CDH13: variants seen among roughly 807,000 people sequenced by gnomAD.
CDH13 encodes cadherin 13.
A neutral mutation model predicts 63.8 loss-of-function variants in CDH13; 24 were observed. That is an observed-to-expected ratio of 0.38 (90% CI 0.27 to 0.53). The LOEUF is 0.53. CDH13 is among the 20% of genes least tolerant of loss of function. The probability of loss-of-function intolerance (pLI) is 0.85; values close to 1 mark genes in which losing one functional copy is unlikely to be tolerated. For synonymous variants in CDH13, 503 were observed against 355.3 expected, an observed-to-expected ratio of 1.42 and a Z score of -4.67; for missense variants, 1,049 against 903.1, an observed-to-expected ratio of 1.16 and a Z score of -2.07.
At chr16:83,666,624 C>T (rs955454361) in intron 8 of CDH13, among the ~76,000 whole-genome samples, 1 of 152,214 alleles carries the variant, frequency 6.6e-6, no homozygotes, top group Non-Finnish European at 1.5e-5. Context: ...CCCCTTCATT[C>T]CAGCCACACC....
chr16:83,458,821 T>C (rs1207336754), intron 6 of CDH13, among the ~76,000 whole-genome samples: 4 of 152,230 alleles, frequency 2.6e-5, no homozygotes, highest in Admixed American at 6.5e-5. Context: ...CGGTTGTCTC[T>C]TTCTCTGACT....
chr16:83,626,045 C>G (rs527596900), intron 8 of CDH13, among the ~76,000 whole-genome samples: 2 of 149,376 alleles, frequency 1.3e-5, no homozygotes, highest in East Asian at 2.0e-4. Context: ...GGGTCTCACT[C>G]TGTTGCCCAG....
chr16:83,115,709 G>T (rs1224453690), intron 3 of CDH13, among the ~76,000 whole-genome samples: 1 of 152,236 alleles, frequency 6.6e-6, no homozygotes, highest in Non-Finnish European at 1.5e-5. Context: ...CTTCTGCAAT[G>T]CTTTGCCTTG....
At chr16:83,687,563 T>C (rs76104384) in intron 10 of CDH13, among the ~76,000 whole-genome samples, 3 of 152,292 alleles carry the variant, frequency 2.0e-5, no homozygotes, top group East Asian at 1.9e-4. Flanking sequence ...GGCTCCAACA[T>C]TGGAGATTAT....
chr16:83,229,422 G>A (rs916887255), intron 5 of CDH13, among the ~76,000 whole-genome samples: 15 of 151,838 alleles, frequency 9.9e-5, no homozygotes, highest in South Asian at 2.1e-4. Context: ...GCACTGACTC[G>A]TTCTCCCCAT....
intron 3 of CDH13, among the ~76,000 whole-genome samples, chr16:83,124,084 C>T (rs571063271): frequency 6.6e-6 from 1 of 152,266 alleles, no homozygotes; most frequent in East Asian, 1.9e-4. Flanking sequence ...CTCGTTCTGT[C>T]ACCCAGGATG....
chr16:82,803,020 C>T (rs1466982505), intron 1 of CDH13, among the ~76,000 whole-genome samples: 1 of 152,196 alleles, frequency 6.6e-6, no homozygotes, highest in Non-Finnish European at 1.5e-5. Context: ...TTTCTTCCTT[C>T]CAGTGTGCTA....
At chr16:82,628,949 A>G (rs1456725996) in intron 1 of CDH13, among the ~76,000 whole-genome samples, 3 of 152,218 alleles carry the variant, frequency 2.0e-5, no homozygotes, top group Non-Finnish European at 4.4e-5. Flanking sequence ...ATAGGATTGC[A>G]TTCAACAGGA....
At chr16:83,593,374 T>C (rs1404290199) in intron 7 of CDH13, among the ~76,000 whole-genome samples, 1 of 152,158 alleles carries the variant, frequency 6.6e-6, no homozygotes, top group Non-Finnish European at 1.5e-5. Context: ...TGGAGCCCAT[T>C]CTCACTGGCT....
chr16:83,601,110 A>G (rs1907747847), intron 7 of CDH13, among the ~76,000 whole-genome samples: 1 of 152,176 alleles, frequency 6.6e-6, no homozygotes, highest in Admixed American at 6.5e-5. Context: ...TCTTCTAATT[A>G]GGACTCATTC....
intron 3 of CDH13, among the ~76,000 whole-genome samples, chr16:83,059,531 G>C (rs2031300140): frequency 6.6e-6 from 1 of 152,084 alleles, no homozygotes; most frequent in Admixed American, 6.6e-5. Context: ...CATGGCCTAG[G>C]TTTCTTATGA....
chr16:83,473,554 T>C (rs1215567557), intron 6 of CDH13, among the ~76,000 whole-genome samples: 2 of 152,156 alleles, frequency 1.3e-5, no homozygotes, highest in Non-Finnish European at 2.9e-5. Context: ...TCATCGATCA[T>C]CTGTCCTGCA....
intron 1 of CDH13, among the ~76,000 whole-genome samples, chr16:82,722,643 A>G (rs1182083397): frequency 4.6e-5 from 7 of 152,188 alleles, no homozygotes; most frequent in Non-Finnish European, 8.8e-5. Flanking sequence ...GGACACTGGT[A>G]TGTGGAGAAC....
At chr16:83,024,021 A>T (rs1052984658) in intron 2 of CDH13, among the ~76,000 whole-genome samples, 2 of 152,128 alleles carry the variant, frequency 1.3e-5, no homozygotes, top group African/African-American at 4.8e-5. Flanking sequence ...TCAAGACTTC[A>T]TTATTTATAT....
At chr16:83,513,412 C>T (rs1032999393) in intron 7 of CDH13, among the ~76,000 whole-genome samples, 5 of 152,146 alleles carry the variant, frequency 3.3e-5, no homozygotes, top group Admixed American at 2.6e-4. Flanking sequence ...AAAGTGCAAA[C>T]TTCTCCTGTA....
intron 5 of CDH13, among the ~76,000 whole-genome samples, chr16:83,254,966 T>TTTTGCAG (rs1906054951): frequency 1.6e-4 from 1 of 6,260 alleles, no homozygotes; most frequent in Admixed American, 4.7e-3. Context: ...TTTCTTTCTT[T>TTTTGCAG]CTTTCTTTCT....
At chr16:82,860,911 G>A (rs574169622) in intron 2 of CDH13, among the ~76,000 whole-genome samples, 1 of 152,206 alleles carries the variant, frequency 6.6e-6, no homozygotes, top group South Asian at 2.1e-4. Flanking sequence ...TTTTAAGCCA[G>A]TCTCACTCTC....
intron 5 of CDH13, among the ~76,000 whole-genome samples, chr16:83,236,787 T>C (rs2040157578): frequency 6.6e-6 from 1 of 152,044 alleles, no homozygotes. Context: ...GGTTAAGCCA[T>C]AGAAACACAA....
chr16:82,699,183 TA>T (rs2082589919), intron 1 of CDH13, among the ~76,000 whole-genome samples: 1 of 152,188 alleles, frequency 6.6e-6, no homozygotes, highest in African/African-American at 2.4e-5. Flanking sequence ...TCCCCTTTCA[TA>T]TGGGGAGAGA....
Sources: allele counts gnomAD v4.1 joint callset (sites outside exome capture counted in the v4.1 genomes callset), GRCh38; gene constraint gnomAD v4.1.1; transcripts MANE v1.5; gene names NCBI Gene and HGNC (gene_info 2026-07-23, HGNC 2026-07-21).